Variants in NOL4 observed in about 807,000 individuals in gnomAD.
NOL4 encodes the protein nucleolar protein 4, also known as cancer/testis antigen 125.
A neutral mutation model predicts 75.9 loss-of-function variants in NOL4; 17 were observed. The observed-to-expected ratio is 0.22, with a 90% CI of 0.15 to 0.34. The LOEUF is 0.34. Among genes scored for constraint, NOL4 ranks in the 10% least tolerant of loss-of-function variants. The pLI, the probability that NOL4 is intolerant of heterozygous loss-of-function variation, is 1.00. For missense variants in NOL4, 614 were observed against 793.5 expected (o/e 0.77, Z 2.72); for synonymous variants, 292 against 289.9 (o/e 1.01, Z -0.07).
intron 5 of NOL4, among the ~76,000 whole-genome samples, chr18:34,070,319 C>T (rs578074424): frequency 1.3e-5 from 2 of 152,252 alleles, no homozygotes; most frequent in South Asian, 2.1e-4. Flanking sequence ...GCGCCCGGCC[C>T]GCCTTGCCTT....
chr18:34,107,100 T>G (rs893868003), intron 2 of NOL4, among the ~76,000 whole-genome samples: 1 of 152,192 alleles, frequency 6.6e-6, no homozygotes, highest in African/African-American at 2.4e-5. Context: ...TGATACTTTC[T>G]GAAATCTTCT....
In NOL4 at chr18:33,852,453, A is replaced by G. The variant is rs1599623657; in HGVS notation, c.*389T>C. 1 of 123,118 alleles carries G rather than the reference A, an allele frequency of 8.1e-6. No homozygotes were observed. The allele number at this position is 123,118 out of a possible 1,614,324, so 7.6% of individuals were successfully genotyped here. On this transcript the variant is annotated 3_prime_UTR_variant, in exon 11 of 11. Transcript: ENST00000261592. ...TTTTTTTCTTTTTTTTTTTTTTGCC[A>G]GGTACTTCAGCTTTCAGTCCAATGA...
At chr18:33,878,046 T>C (rs1485452924) in intron 10 of NOL4, among the ~76,000 whole-genome samples, 1 of 152,022 alleles carries the variant, frequency 6.6e-6, no homozygotes, top group Non-Finnish European at 1.5e-5. Flanking sequence ...ATCCTTTCCC[T>C]AAGAACAATG....
intron 6 of NOL4, among the ~76,000 whole-genome samples, chr18:34,001,024 C>G (rs961484708): frequency 6.6e-5 from 10 of 151,988 alleles, no homozygotes; most frequent in African/African-American, 2.4e-4. Flanking sequence ...GGTAGGTCCT[C>G]ACAGAAAAAC....
At chr18:34,217,150 T>A (rs2036949102) in intron 1 of NOL4, among the ~76,000 whole-genome samples, 1 of 152,164 alleles carries the variant, frequency 6.6e-6, no homozygotes, top group Non-Finnish European at 1.5e-5. Context: ...TTAACTTTTT[T>A]AAAAAACTGA....
rs1020686321 is a variant in NOL4, at chr18:34,074,137, T to A, written c.772+19328A>T. Among the ~76,000 whole-genome samples, 9 of 151,888 alleles carry A rather than the reference T, an allele frequency of 5.9e-5. No individual in the cohort carries two copies. In the South Asian group the frequency reaches 6.2e-4, roughly 10 times the overall value. On this transcript the variant is annotated intron_variant, in intron 5 of 10. Coordinates refer to ENST00000261592, the MANE Select transcript of NOL4 (RefSeq NM_003787.5). ...AGAATAGTCAAAGAATTGTATTTTTTAAATATTCATATTTTTGGAATATTT... is the reference window on the plus strand; with the variant it reads ...AGAATAGTCAAAGAATTGTATTTTTAAAATATTCATATTTTTGGAATATTT...
intron 6 of NOL4, among the ~76,000 whole-genome samples, chr18:33,972,648 G>C (rs1187235530): frequency 1.3e-5 from 2 of 152,076 alleles, no homozygotes; most frequent in East Asian, 3.9e-4. Flanking sequence ...TTGCAGGTTG[G>C]GTTTTCAACC....
At chr18:33,876,156 C>G (rs541842320) in intron 10 of NOL4, among the ~76,000 whole-genome samples, 1 of 151,982 alleles carries the variant, frequency 6.6e-6, no homozygotes, top group Non-Finnish European at 1.5e-5. Flanking sequence ...AATTCAAATG[C>G]TGCTAAGGTA....
intron 1 of NOL4, among the ~76,000 whole-genome samples, chr18:34,204,810 A>G (rs2036006760): frequency 6.6e-6 from 1 of 152,162 alleles, no homozygotes; most frequent in Non-Finnish European, 1.5e-5. Context: ...AGAATAATGG[A>G]GAAAAAAAGG....
At chr18:33,988,569 G>T (rs1037409194) in intron 6 of NOL4, among the ~76,000 whole-genome samples, 3 of 152,016 alleles carry the variant, frequency 2.0e-5, no homozygotes, top group African/African-American at 7.2e-5. Flanking sequence ...AACACAAAAA[G>T]CATTCCCCCA....
chr18:34,028,046 T>C (rs2075434721), intron 5 of NOL4, among the ~76,000 whole-genome samples: 1 of 152,220 alleles, frequency 6.6e-6, no homozygotes, highest in Middle Eastern at 3.2e-3. Flanking sequence ...AAAACTAATC[T>C]AAGTTACTGT....
At chr18:34,203,690 CT>C (rs2035902995) in intron 1 of NOL4, among the ~76,000 whole-genome samples, 1 of 72,262 alleles carries the variant, frequency 1.4e-5, no homozygotes, top group Non-Finnish European at 2.8e-5. Context: ...CTCTCCCTCT[CT>C]CTCTCTCTCT....
chr18:33,957,572 T>G, intron 7 of NOL4, 55 bp from the exon 8 acceptor site: 1 of 1,336,816 alleles, frequency 7.5e-7, no homozygotes, highest in East Asian at 2.3e-5. Flanking sequence ...TCTCTTCTGT[T>G]CCTAGCTTCC....
At chr18:33,866,729 C>A (rs896216055) in intron 10 of NOL4, among the ~76,000 whole-genome samples, 1 of 152,074 alleles carries the variant, frequency 6.6e-6, no homozygotes, top group African/African-American at 2.4e-5. Context: ...GCTTCTGTTT[C>A]CAGGCAATTT....
intron 6 of NOL4, among the ~76,000 whole-genome samples, chr18:33,991,512 C>G (rs191516001): frequency 2.0e-5 from 3 of 152,002 alleles, no homozygotes; most frequent in African/African-American, 7.2e-5. Flanking sequence ...ATTATTTTTA[C>G]AGTGAAATGA....
At chr18:33,960,489 A>T (rs1176571675) in intron 6 of NOL4, among the ~76,000 whole-genome samples, 3 of 152,032 alleles carry the variant, frequency 2.0e-5, no homozygotes, top group Non-Finnish European at 4.4e-5. Context: ...CTCCTGCTCC[A>T]ACTCCAAGTA....
chr18:33,937,904 A>T (rs1175960790), intron 9 of NOL4, among the ~76,000 whole-genome samples: 1 of 152,048 alleles, frequency 6.6e-6, no homozygotes, highest in East Asian at 1.9e-4. Flanking sequence ...ATCCAGGCAA[A>T]CTCTAGATTG....
intron 6 of NOL4, among the ~76,000 whole-genome samples, chr18:33,994,433 C>T (rs749107236): frequency 6.6e-5 from 10 of 151,878 alleles, no homozygotes; most frequent in African/African-American, 1.9e-4. Flanking sequence ...TTCATGAATG[C>T]AAATTTATTG....
chr18:34,049,146 G>C (rs1161226114), intron 5 of NOL4, among the ~76,000 whole-genome samples: 1 of 145,710 alleles, frequency 6.9e-6, no homozygotes, highest in Non-Finnish European at 1.5e-5. Flanking sequence ...CAGCATCAAC[G>C]TCTGGAGCCT....
Sources: allele counts gnomAD v4.1 joint callset (sites outside exome capture counted in the v4.1 genomes callset), GRCh38; gene constraint gnomAD v4.1.1; transcripts MANE v1.5; gene names NCBI Gene and HGNC (gene_info 2026-07-23, HGNC 2026-07-21).